Variants in PLXNA2 observed in about 807,000 individuals in gnomAD.
The protein encoded by PLXNA2 is plexin-A2.
PLXNA2 carries 91 observed loss-of-function variants against 193.5 expected under a neutral mutation model. The ratio of observed to expected loss-of-function variants is 0.47; its 90% CI spans 0.40 to 0.56. The LOEUF is 0.56. Ranked by LOEUF, PLXNA2 falls within the 20% of genes least tolerant of loss-of-function variation. The pLI is 0.00. For missense variants in PLXNA2, 1,995 were observed against 2,503.2 expected, an observed-to-expected ratio of 0.80 and a Z score of 4.33; for synonymous variants, 997 against 1,027.3, an observed-to-expected ratio of 0.97 and a Z score of 0.56.
intron 3 of PLXNA2, among the ~76,000 whole-genome samples, chr1:208,200,577 C>CTTTTTTTTTT (rs36026400): frequency 2.3e-4 from 26 of 113,992 alleles, no homozygotes; most frequent in South Asian, 5.9e-4. Context: ...CCCAATCCTT[C>CTTTTTTTTTT]TTTTTTTTTT....
intron 4 of PLXNA2, among the ~76,000 whole-genome samples, chr1:208,140,086 T>G (rs772350312): frequency 6.6e-6 from 1 of 152,108 alleles, no homozygotes. Flanking sequence ...TGGCTACTGC[T>G]AAACCCCTCT....
chr1:208,214,976 C>T (rs1671078732), intron 2 of PLXNA2, among the ~76,000 whole-genome samples: 1 of 152,028 alleles, frequency 6.6e-6, no homozygotes. Flanking sequence ...TCTCTCTCTT[C>T]CCCCTACTAG....
chr1:208,219,857 C>A (rs1226355539), intron 1 of PLXNA2, among the ~76,000 whole-genome samples: 1 of 152,286 alleles, frequency 6.6e-6, no homozygotes, highest in Non-Finnish European at 1.5e-5. Context: ...ACAGCCCTTC[C>A]GGCCCCAGGC....
intron 2 of PLXNA2, among the ~76,000 whole-genome samples, chr1:208,212,938 A>G (rs556331767): frequency 6.6e-6 from 1 of 152,226 alleles, no homozygotes; most frequent in Non-Finnish European, 1.5e-5. Context: ...TCTCATCTGT[A>G]AAGTAAAAGT....
At chr1:208,134,417 G>C (rs2102471515) in intron 4 of PLXNA2, among the ~76,000 whole-genome samples, 1 of 152,184 alleles carries the variant, frequency 6.6e-6, no homozygotes, top group Middle Eastern at 3.4e-3. Context: ...CCCTTTCTTT[G>C]GGAAAGGCAC....
chr1:208,193,569 A>G lies in PLXNA2; in HGVS notation c.1371+16711T>C, dbSNP rs142928303. Reference sequence around the variant, plus strand: ...ATGTATATTTATGAAAGCTCTTTATATAACTGAAACCAATGAATAAGTTTA... The same window carrying G: ...ATGTATATTTATGAAAGCTCTTTATGTAACTGAAACCAATGAATAAGTTTA... On this transcript the variant is annotated intron_variant, in intron 3 of 31. Coordinates refer to ENST00000367033, the MANE Select transcript of PLXNA2 (RefSeq NM_025179.4). 5.3e-5 allele frequency among the ~76,000 whole-genome samples: 8 copies of G among 152,374 alleles called. No individual in the cohort carries two copies. The East Asian group carries it at 1.5e-3, about 29-fold the overall frequency.
In PLXNA2 at chr1:208,044,584, T is replaced by G; in HGVS notation, c.3798A>C (p.Glu1266Asp). Residue 1266 changes from glutamate to aspartate, a missense_variant, in exon 20 of 32, where the codon GAA becomes GAC. Around this residue, in one of 3 missense-constraint regions of PLXNA2, gnomAD observed 1,291 missense variants for 1,673.6 expected, o/e 0.77. Transcript: ENST00000367033. The surrounding 1 kb of genome is among the most constrained non-coding windows in gnomAD (Gnocchi z 4.9). ...VLIAYKRKSR[E>D]NDLTLKRLQM... ...GCAGCCGCTTGAGAGTGAGGTCATT[T>G]TCTCGAGACTTGCGCTTGTAGGCAA... The G allele has an allele frequency of 6.2e-7, 1 of 1,614,172 alleles. No individual in the cohort carries two copies. Among genetic ancestry groups the G allele is most frequent in the South Asian group, 1.1e-5 (1 of 91,080 alleles).
Position 208,025,507 on chromosome 1 carries a change from CTTT to C in PLXNA2, c.*1733_*1735del, listed in dbSNP as rs968532250. The C allele has an allele frequency of 1.3e-5, 2 of 152,496 alleles. No homozygotes were observed. Among genetic ancestry groups the C allele is most frequent in the African/African-American group, 4.8e-5 (2 of 41,460 alleles). The allele number at this position is 152,496 out of a possible 1,614,324, so 9.4% of individuals were successfully genotyped here. A position where few individuals can be genotyped will look rare whatever the true frequency, so the allele number is the denominator to read the frequency against. On this transcript the variant is annotated 3_prime_UTR_variant, in exon 32 of 32. Transcript: ENST00000367033. ...AAGTGAGGAAGGGCAGCTTGTTCCT[CTTT>C]GTCTTCCCCAGTCCCACACCTTTGC...
chr1:208,036,460 C>T (rs1003231930), intron 26 of PLXNA2, among the ~76,000 whole-genome samples: 9 of 152,184 alleles, frequency 5.9e-5, no homozygotes, highest in African/African-American at 2.2e-4. Context: ...TGCTGCTTAC[C>T]CGCTCCAGGA....
intron 4 of PLXNA2, among the ~76,000 whole-genome samples, chr1:208,138,453 T>C (rs1668366651): frequency 6.6e-6 from 1 of 152,184 alleles, no homozygotes; most frequent in Non-Finnish European, 1.5e-5. Flanking sequence ...ATGGCTTGAG[T>C]AGGAGGCAAC....
chr1:208,027,148 TG>T lies in PLXNA2; in HGVS notation c.*94del. 1 of 1,139,896 alleles carries T rather than the reference TG, an allele frequency of 8.8e-7. No individual in the cohort carries two copies. The highest frequency in any genetic ancestry group is 1.3e-6 in the Non-Finnish European group (1 of 768,110). The allele number at this position is 1,139,896 out of a possible 1,614,324, so 70.6% of individuals were successfully genotyped here. A position where few individuals can be genotyped will look rare whatever the true frequency, so the allele number is the denominator to read the frequency against. ...TGGGGTCTCAGGGGACAGCAAGCTC[TG>T]GGGCCTGATCCCCATCACTTGTCCT... is the stretch of plus-strand genomic sequence containing the variant. On this transcript the variant is annotated 3_prime_UTR_variant, in exon 32 of 32. Coordinates refer to ENST00000367033, the MANE Select transcript of PLXNA2 (RefSeq NM_025179.4).
intron 1 of PLXNA2, among the ~76,000 whole-genome samples, chr1:208,239,419 AT>A (rs1671975837): frequency 6.6e-6 from 1 of 151,902 alleles, no homozygotes; most frequent in South Asian, 2.1e-4. Context: ...CCCTCTCTCC[AT>A]TTATCTGTGC....
rs148379009 is a variant in PLXNA2 at position 208,182,551 on chromosome 1, G to T, written c.1371+27729C>A. Reference sequence around the variant, plus strand: ...GCGTCTTGCTCTGCCCATGCGAGTGGCAATGTTGGGACACTGCATTCATGG... The same window carrying T: ...GCGTCTTGCTCTGCCCATGCGAGTGTCAATGTTGGGACACTGCATTCATGG... On this transcript the variant is annotated intron_variant, in intron 3 of 31. Coordinates refer to ENST00000367033, the MANE Select transcript of PLXNA2 (RefSeq NM_025179.4). 4.6e-5 allele frequency among the ~76,000 whole-genome samples: 7 copies of T among 152,244 alleles called. No homozygotes were observed. In the East Asian group the frequency reaches 1.4e-3, roughly 30 times the overall value.
At chr1:208,041,417 C>T (rs1664865632) in intron 22 of PLXNA2, among the ~76,000 whole-genome samples, 1 of 152,192 alleles carries the variant, frequency 6.6e-6, no homozygotes, top group South Asian at 2.1e-4. Flanking sequence ...AGGAAAAATG[C>T]AGTGGGCATG....
In PLXNA2 at chr1:208,217,763, T is replaced by C; in HGVS notation, c.160A>G (p.Thr54Ala). The change falls in exon 2 of 32, where the codon ACC becomes GCC. Residue 54 changes from threonine to alanine, a missense_variant. Around this residue, in one of 3 missense-constraint regions of PLXNA2, gnomAD observed 702 missense variants for 812.9 expected, o/e 0.86. Coordinates refer to ENST00000367033, the MANE Select transcript of PLXNA2 (RefSeq NM_025179.4). This position sits in a 1 kb window ranked among gnomAD's most constrained non-coding sequence, Gnocchi z 4.7. ...ENRDWTFNHL[T>A]VHQGTGAVYV... is the part of the protein sequence containing the mutation. ...ACGGCCCCCGTCCCTTGGTGGACGG[T>C]CAAGTGGTTGAAGGTCCAGTCACGA... 6.2e-7 allele frequency: 1 copy of C among 1,613,930 alleles called. No individual in the cohort carries two copies. The highest frequency in any genetic ancestry group is 1.7e-5 in the Admixed American group (1 of 59,994).
Position 208,042,142 on chromosome 1 carries a change from A to T in PLXNA2, c.4242T>A (p.Asp1414Glu). The change falls in exon 22 of 32, where the codon GAT (aspartate) becomes GAA (glutamate). Residue 1414 changes from aspartate to glutamate, a missense_variant. By Grantham distance (45) the Asp-to-Glu change is conservative. Around this residue, in one of 3 missense-constraint regions of PLXNA2, gnomAD observed 1,291 missense variants for 1,673.6 expected, o/e 0.77. Transcript: ENST00000367033. Reference protein sequence around the residue: ...VLKQLLSDLIDKNLENKNHPK... With the variant: ...VLKQLLSDLIEKNLENKNHPK... ...GGTGGTTCTTGTTCTCCAGGTTCTT[A>T]TCGATGAGGTCAGAGAGCAGCTGCT... 3 of 1,614,142 alleles carry T rather than the reference A, an allele frequency of 1.9e-6. No individual in the cohort carries two copies. Among genetic ancestry groups the T allele is most frequent in the Middle Eastern group, 1.7e-4 (1 of 6,060 alleles).
At chr1:208,141,930 T>C (rs1161761495) in intron 4 of PLXNA2, among the ~76,000 whole-genome samples, 5 of 152,214 alleles carry the variant, frequency 3.3e-5, no homozygotes, top group Admixed American at 6.5e-5. Flanking sequence ...GGCCCTGTCT[T>C]GGGTCTGCCT....
intron 9 of PLXNA2, among the ~76,000 whole-genome samples, chr1:208,087,853 T>C (rs1666581451): frequency 6.6e-6 from 1 of 151,990 alleles, no homozygotes; most frequent in Non-Finnish European, 1.5e-5. Flanking sequence ...TTGAGGATGG[T>C]GAAGGGTTTA....
At chr1:208,238,223 A>G (rs537681555) in intron 1 of PLXNA2, among the ~76,000 whole-genome samples, 1 of 152,252 alleles carries the variant, frequency 6.6e-6, no homozygotes, top group East Asian at 1.9e-4. Flanking sequence ...CCAGCTCTTC[A>G]CTCGGAGCCC....
Sources: gnomAD v4.1 joint callset for allele counts (sites outside exome capture counted in the v4.1 genomes callset) on GRCh38, gnomAD v4.1.1 for gene constraint, gnomAD v4.1.1 regional missense constraint, Gnocchi (gnomAD v3.1) non-coding constraint, MANE v1.5 for transcripts, NCBI Gene and HGNC (gene_info 2026-07-23, HGNC 2026-07-21) for gene names.